PTPRG: variants seen among roughly 807,000 people sequenced by gnomAD.
PTPRG encodes protein tyrosine phosphatase receptor type G, also known as receptor-type tyrosine-protein phosphatase gamma.
A neutral mutation model predicts 165.3 loss-of-function variants in PTPRG; 102 were observed. The observed-to-expected ratio is 0.62, with a 90% CI of 0.53 to 0.73. The LOEUF (loss-of-function observed/expected upper bound fraction) is 0.73. Ranked by LOEUF, PTPRG falls within the 30% of genes least tolerant of loss-of-function variation. PTPRG has a pLI of 0.00. For synonymous variants in PTPRG, 675 were observed against 669.5 expected (o/e 1.01, Z -0.13); for missense variants, 1,866 against 1,861.4 (o/e 1.00, Z -0.05).
intron 5 of PTPRG, among the ~76,000 whole-genome samples, chr3:62,093,125 AG>A (rs1246093794): frequency 6.6e-6 from 1 of 152,206 alleles, no homozygotes; most frequent in African/African-American, 2.4e-5. Context: ...TATTTTTAAT[AG>A]CTGCTTGCGT....
chr3:61,752,787 AAAAAAAAAAAAAAAG>A (rs1291823367), intron 2 of PTPRG, among the ~76,000 whole-genome samples: 1 of 91,630 alleles, frequency 1.1e-5, no homozygotes, highest in Non-Finnish European at 2.2e-5. Context: ...GACTGTCTCA[AAAAAAAAAAAAAAAG>A]AAAAAAAAAA....
chr3:62,104,583 C>A (rs574650202), intron 5 of PTPRG, among the ~76,000 whole-genome samples: 1 of 152,186 alleles, frequency 6.6e-6, no homozygotes, highest in African/African-American at 2.4e-5. Flanking sequence ...TAGGCTATTT[C>A]GTAGCAATTT....
At position 61,786,486 on chromosome 3, in the gene PTPRG, A is replaced by G. The variant is rs569801270; in HGVS notation, c.190+37504A>G. Among the ~76,000 whole-genome samples, 119 of 152,324 alleles carry G rather than the reference A, an allele frequency of 7.8e-4. 1 individual carries two copies. Among genetic ancestry groups the G allele is most frequent in the African/African-American group, 2.7e-3 (111 of 41,576 alleles). On this transcript the variant is annotated intron_variant, in intron 2 of 29. Transcript: ENST00000474889. ...TCTTTATCTTTCAAGGGCCTTAACA[A>G]AAATTTTTAAAGAGCCAGGCTGGTT...
chr3:61,621,938 A>T (rs1173079110), intron 1 of PTPRG, among the ~76,000 whole-genome samples: 1 of 152,210 alleles, frequency 6.6e-6, no homozygotes, highest in Admixed American at 6.5e-5. Context: ...GTACATGCCC[A>T]TTTAATTTTG....
intron 3 of PTPRG, among the ~76,000 whole-genome samples, chr3:62,001,520 A>G (rs1014654736): frequency 2.6e-5 from 4 of 152,134 alleles, no homozygotes; most frequent in African/African-American, 9.7e-5. Flanking sequence ...TACTGAGCTA[A>G]TGCCTAGATG....
intron 2 of PTPRG, among the ~76,000 whole-genome samples, chr3:61,859,611 GT>G (rs63081460): frequency 0.28 from 40,689 of 145,890 alleles, 5,811 homozygotes; most frequent in East Asian, 0.58. Context: ...ATAGTCCATA[GT>G]TTTTTTTTTT....
chr3:62,024,475 T>C (rs2041764694), intron 4 of PTPRG, among the ~76,000 whole-genome samples: 1 of 152,228 alleles, frequency 6.6e-6, no homozygotes, highest in Non-Finnish European at 1.5e-5. Flanking sequence ...ACACTGCTAC[T>C]GTGATTAAGT....
At chr3:61,686,308 T>C (rs1012768006) in intron 1 of PTPRG, among the ~76,000 whole-genome samples, 1 of 152,214 alleles carries the variant, frequency 6.6e-6, no homozygotes, top group East Asian at 1.9e-4. Flanking sequence ...AGGGAATGAA[T>C]GCAAAGAGAA....
intron 4 of PTPRG, among the ~76,000 whole-genome samples, chr3:62,036,888 A>G (rs1575920358): frequency 6.6e-6 from 1 of 152,000 alleles, no homozygotes; most frequent in Non-Finnish European, 1.5e-5. Context: ...TGGCTGTGGG[A>G]TGACACATCT....
intron 2 of PTPRG, among the ~76,000 whole-genome samples, chr3:61,757,977 G>T (rs752110051): frequency 6.6e-6 from 1 of 152,032 alleles, no homozygotes; most frequent in Non-Finnish European, 1.5e-5. Flanking sequence ...TTTACTTAAG[G>T]GCTACCAGTT....
chr3:62,276,800 A>G, intron 24 of PTPRG, 172 bp from the exon 25 acceptor site: 1 of 582,510 alleles, frequency 1.7e-6, no homozygotes. Flanking sequence ...GCAAAATTTC[A>G]TTTTACATTC....
chr3:62,128,114 C>G (rs572963414), intron 5 of PTPRG, among the ~76,000 whole-genome samples: 2 of 152,082 alleles, frequency 1.3e-5, no homozygotes, highest in Non-Finnish European at 2.9e-5. Context: ...ATTCAGAGCC[C>G]TTTTTCGAGT....
At chr3:61,747,765 A>C (rs554659456) in intron 1 of PTPRG, among the ~76,000 whole-genome samples, 1 of 152,290 alleles carries the variant, frequency 6.6e-6, no homozygotes, top group South Asian at 2.1e-4. Flanking sequence ...TCAATTGAAT[A>C]TACAGCTTCC....
At position 62,273,981 on chromosome 3, in the gene PTPRG, G is replaced by T. The variant is rs931456741; in HGVS notation, c.3465+137G>T. 13 of 849,892 alleles carry T rather than the reference G, an allele frequency of 1.5e-5. No individual in the cohort carries two copies. The highest frequency in any genetic ancestry group is 2.3e-5 in the Non-Finnish European group (13 of 562,350). The allele number at this position is 849,892 out of a possible 1,614,324, so 52.6% of individuals were successfully genotyped here. ...TTTGTACTCCTTGTACTCCTTAAATGTGATGAAAAAGAAAATACGGTTTTG... is the reference window on the plus strand; with the variant it reads ...TTTGTACTCCTTGTACTCCTTAAATTTGATGAAAAAGAAAATACGGTTTTG... On this transcript the variant is annotated intron_variant, in intron 23 of 29. Transcript: ENST00000474889. The surrounding 1 kb of genome is among the most constrained non-coding windows in gnomAD (Gnocchi z 4.1).
intron 2 of PTPRG, among the ~76,000 whole-genome samples, chr3:61,893,546 C>A (rs1263897778): frequency 6.6e-6 from 1 of 152,208 alleles, no homozygotes; most frequent in Non-Finnish European, 1.5e-5. Flanking sequence ...GCTGCCTCTG[C>A]AGTTTGGATG....
intron 4 of PTPRG, among the ~76,000 whole-genome samples, chr3:62,027,090 G>C (rs67356323): frequency 0.56 from 85,215 of 151,346 alleles, 24,947 homozygotes; most frequent in African/African-American, 0.73. Context: ...TTCTCTCCCC[G>C]TGCCCTGTTT....
intron 2 of PTPRG, among the ~76,000 whole-genome samples, chr3:61,763,937 A>T (rs2033936365): frequency 1.3e-5 from 2 of 152,286 alleles, no homozygotes; most frequent in African/African-American, 4.8e-5. Context: ...TCTCAGTCAC[A>T]CTAGCCAAAT....
chr3:61,653,072 G>A (rs1250090794), intron 1 of PTPRG, among the ~76,000 whole-genome samples: 1 of 151,602 alleles, frequency 6.6e-6, no homozygotes, highest in African/African-American at 2.4e-5. Context: ...TAAGGGAAAA[G>A]TAATTTTTTT....
intron 2 of PTPRG, among the ~76,000 whole-genome samples, chr3:61,767,009 C>T (rs913660475): frequency 2.6e-5 from 4 of 151,614 alleles, no homozygotes; most frequent in South Asian, 2.1e-4. Flanking sequence ...TTTGGGAGGC[C>T]GAGGCAGGCA....
Sources: allele counts gnomAD v4.1 joint callset (sites outside exome capture counted in the v4.1 genomes callset), GRCh38; gene constraint gnomAD v4.1.1; non-coding constraint Gnocchi (gnomAD v3.1); transcripts MANE v1.5; gene names NCBI Gene and HGNC (gene_info 2026-07-23, HGNC 2026-07-21).